Variants in SDK1 observed in about 807,000 individuals in gnomAD.
SDK1 encodes the protein protein sidekick-1.
Under a neutral mutation model 245.5 loss-of-function variants are expected in SDK1, and 157 were observed. That is an observed-to-expected ratio of 0.64 (90% confidence interval 0.56 to 0.73). SDK1 has a LOEUF of 0.73. Among genes scored for constraint, SDK1 ranks in the 30% least tolerant of loss-of-function variants. The probability of loss-of-function intolerance (pLI) is 0.00; values close to 1 mark genes in which losing one functional copy is unlikely to be tolerated. For synonymous variants in SDK1, 1,647 were observed against 1,278.5 expected (o/e 1.29, Z -6.15); for missense variants, 3,583 against 3,002.3 (o/e 1.19, Z -4.52).
At chr7:3,717,135 G>A (rs1785227193) in intron 4 of SDK1, among the ~76,000 whole-genome samples, 1 of 152,212 alleles carries the variant, frequency 6.6e-6, no homozygotes, top group Non-Finnish European at 1.5e-5. Flanking sequence ...AGTAGGCTGT[G>A]ATAGGTTATA....
intron 44 of SDK1, among the ~76,000 whole-genome samples, chr7:4,251,728 C>T (rs1787310924): frequency 6.6e-6 from 1 of 152,218 alleles, no homozygotes; most frequent in African/African-American, 2.4e-5. Context: ...TTTTACCAGT[C>T]AAGTTCCCAG....
chr7:3,896,606 TG>T (rs1781613013), intron 5 of SDK1, among the ~76,000 whole-genome samples: 1 of 152,164 alleles, frequency 6.6e-6, no homozygotes, highest in Non-Finnish European at 1.5e-5. Flanking sequence ...CAGCCTGGAT[TG>T]GGAACTCTTT....
intron 1 of SDK1, among the ~76,000 whole-genome samples, chr7:3,354,626 G>C (rs1780745346): frequency 6.6e-6 from 1 of 152,140 alleles, no homozygotes; most frequent in Admixed American, 6.5e-5. Context: ...GTGTATCAAA[G>C]CTACCCATTT....
intron 4 of SDK1, among the ~76,000 whole-genome samples, chr7:3,816,326 C>A (rs921587902): frequency 1.3e-5 from 2 of 150,264 alleles, no homozygotes; most frequent in African/African-American, 4.9e-5. Flanking sequence ...TTGAAAGGAT[C>A]AACAAAATTG....
intron 1 of SDK1, among the ~76,000 whole-genome samples, chr7:3,407,958 G>A (rs1779096766): frequency 6.6e-6 from 1 of 152,176 alleles, no homozygotes; most frequent in African/African-American, 2.4e-5. Context: ...TAAGCAGGGG[G>A]CTGGGAAGCA....
At position 3,731,660 on chromosome 7, in the gene SDK1, T is replaced by C. The variant is rs527409639; in HGVS notation, c.713+89555T>C. On this transcript the variant is annotated intron_variant, in intron 4 of 44. Transcript: ENST00000404826. ...GTCGTCTCACCTATTGTGATGGTGA[T>C]AGAGCCCCAGGAATACAAACACCAT... Among the ~76,000 whole-genome samples, 8 of 152,228 alleles carry C rather than the reference T, an allele frequency of 5.3e-5. No individual in the cohort carries two copies. In the South Asian group the frequency reaches 1.7e-3, roughly 32 times the overall value.
chr7:4,043,823 C>T (rs896563091), intron 17 of SDK1, among the ~76,000 whole-genome samples: 2 of 152,078 alleles, frequency 1.3e-5, no homozygotes, highest in Non-Finnish European at 2.9e-5. Flanking sequence ...AATTGGGCTT[C>T]GTGAAACCCC....
At chr7:4,028,299 C>A (rs138189875) in intron 17 of SDK1, among the ~76,000 whole-genome samples, 2 of 152,304 alleles carry the variant, frequency 1.3e-5, no homozygotes, top group East Asian at 3.9e-4. Flanking sequence ...GACTAATAAC[C>A]ATGAGCCCCA....
intron 1 of SDK1, among the ~76,000 whole-genome samples, chr7:3,335,929 A>G (rs1780188452): frequency 6.6e-6 from 1 of 151,198 alleles, no homozygotes; most frequent in South Asian, 2.1e-4. Flanking sequence ...TGAAAGGTGG[A>G]GAGAAGACTG....
At chr7:3,365,594 A>T (rs1004431088) in intron 1 of SDK1, among the ~76,000 whole-genome samples, 1 of 152,234 alleles carries the variant, frequency 6.6e-6, no homozygotes, top group African/African-American at 2.4e-5. Context: ...CTATACACAT[A>T]AATGTTTTAA....
chr7:4,143,408 A>G (rs1020524850), intron 28 of SDK1, among the ~76,000 whole-genome samples: 1 of 152,138 alleles, frequency 6.6e-6, no homozygotes, highest in East Asian at 1.9e-4. Flanking sequence ...GCAACCAGGC[A>G]TGGCTGTGCC....
intron 3 of SDK1, among the ~76,000 whole-genome samples, chr7:3,640,672 C>G (rs1300395747): frequency 6.6e-6 from 1 of 152,002 alleles, no homozygotes; most frequent in Non-Finnish European, 1.5e-5. Flanking sequence ...TTCTGTATCT[C>G]TAGCTCTTCA....
chr7:3,640,464 A>G (rs1782612968), intron 3 of SDK1, among the ~76,000 whole-genome samples: 1 of 152,214 alleles, frequency 6.6e-6, no homozygotes, highest in Non-Finnish European at 1.5e-5. Context: ...AATCACTAGG[A>G]AGGCTTAAAT....
intron 4 of SDK1, among the ~76,000 whole-genome samples, chr7:3,794,395 A>T (rs967428800): frequency 1.3e-5 from 2 of 152,224 alleles, no homozygotes; most frequent in African/African-American, 4.8e-5. Flanking sequence ...GCTTTGGGAC[A>T]TGCTGTGGTT....
rs574125366 is a variant in SDK1, at chr7:3,864,733, C to G, written c.847+43150C>G. Among the ~76,000 whole-genome samples the G allele has an allele frequency of 4.3e-4, 66 of 152,194 alleles. 1 individual carries two copies. Among genetic ancestry groups the G allele is most frequent in the African/African-American group, 1.5e-3 (64 of 41,522 alleles). ...AGTAACGGGAAAGAGGAAGGAGCCCCAGGGAATACACCCTGTTTATTGCTC... is the reference window on the plus strand; with the variant it reads ...AGTAACGGGAAAGAGGAAGGAGCCCGAGGGAATACACCCTGTTTATTGCTC... On this transcript the variant is annotated intron_variant, in intron 5 of 44. Coordinates refer to ENST00000404826, the MANE Select transcript of SDK1 (RefSeq NM_152744.4).
intron 5 of SDK1, among the ~76,000 whole-genome samples, chr7:3,859,678 A>G (rs896151509): frequency 2.0e-5 from 3 of 152,178 alleles, no homozygotes; most frequent in Admixed American, 2.0e-4. Flanking sequence ...AACTTCCATT[A>G]CCATCCCCAG....
chr7:4,118,271 C>CAT (rs1432455768), intron 25 of SDK1, among the ~76,000 whole-genome samples: 1 of 152,158 alleles, frequency 6.6e-6, no homozygotes, highest in Non-Finnish European at 1.5e-5. Flanking sequence ...AAAGGATCGG[C>CAT]ATAGACATTC....
At chr7:3,491,601 G>C (rs1002373668) in intron 1 of SDK1, among the ~76,000 whole-genome samples, 1 of 152,208 alleles carries the variant, frequency 6.6e-6, no homozygotes, top group African/African-American at 2.4e-5. Context: ...GATTTACTTA[G>C]AAAGGGAAAT....
Position 3,547,209 on chromosome 7 carries a change from CTACTT to C in SDK1, c.299-71868_299-71864del, listed in dbSNP as rs201285550. ...TAAGTAATATATTAACATTTTTACT[CTACTT>C]TAAGTGCTTTGATAGCCACATATTT... On this transcript the variant is annotated intron_variant, in intron 1 of 44. Coordinates refer to ENST00000404826, the MANE Select transcript of SDK1 (RefSeq NM_152744.4). Among the ~76,000 whole-genome samples, 1,330 of 152,146 alleles carry C rather than the reference CTACTT, an allele frequency of 8.7e-3. 22 individuals are homozygous for C. Among genetic ancestry groups the C allele is most frequent in the African/African-American group, 0.03 (1,239 of 41,504 alleles).
Sources: allele counts gnomAD v4.1 joint callset (sites outside exome capture counted in the v4.1 genomes callset), GRCh38; gene constraint gnomAD v4.1.1; transcripts MANE v1.5; gene names NCBI Gene and HGNC (gene_info 2026-07-23, HGNC 2026-07-21).